The following NEK7 variants were observed in gnomAD, a reference collection of about 807,000 sequenced individuals.
NEK7 encodes NIMA related kinase 7.
In NEK7, 18 loss-of-function variants were observed where a neutral mutation model predicts 44.6. The observed-to-expected ratio is 0.40, with a 90% CI of 0.28 to 0.60. NEK7 has a LOEUF of 0.60. Ranked by LOEUF, NEK7 falls within the 20% of genes least tolerant of loss-of-function variation. NEK7 has a pLI of 0.38. For synonymous variants in NEK7, 130 were observed against 121.1 expected (o/e 1.07, Z -0.48); for missense variants, 256 against 366.5 (o/e 0.70, Z 2.46).
rs1654348676 is a variant in NEK7, at chr1:198,285,798, A to G, written c.589+6737A>G. ...AGATAGAGGAAAAATACCTAATTTC[A>G]GTTTTTTTAAAAATACTGCTTGTAT... On this transcript the variant is annotated intron_variant, in intron 7 of 9. Coordinates refer to ENST00000367385, the MANE Select transcript of NEK7 (RefSeq NM_133494.3). Among the ~76,000 whole-genome samples, 3 of 152,206 alleles carry G rather than the reference A, an allele frequency of 2.0e-5. No individual in the cohort carries two copies. The South Asian group carries it at 6.2e-4, about 32-fold the overall frequency.
chr1:198,249,596 G>A (rs1346847307), intron 2 of NEK7, among the ~76,000 whole-genome samples: 7 of 152,076 alleles, frequency 4.6e-5, no homozygotes, highest in Non-Finnish European at 7.4e-5. Flanking sequence ...GTGTGAGATG[G>A]TATCTCATAG....
At chr1:198,316,795 G>A (rs905550851) in intron 9 of NEK7, among the ~76,000 whole-genome samples, 1 of 152,166 alleles carries the variant, frequency 6.6e-6, no homozygotes, top group Non-Finnish European at 1.5e-5. Context: ...TTGAATGAAC[G>A]GATGAAAATG....
intron 5 of NEK7, among the ~76,000 whole-genome samples, chr1:198,265,779 G>T (rs1653633094): frequency 1.3e-5 from 2 of 152,112 alleles, no homozygotes; most frequent in African/African-American, 2.4e-5. Flanking sequence ...TCCTGGGCAG[G>T]TAGGAAAGAT....
At chr1:198,158,898 A>C (rs1167547113) in intron 1 of NEK7, among the ~76,000 whole-genome samples, 3 of 152,160 alleles carry the variant, frequency 2.0e-5, no homozygotes, top group African/African-American at 7.2e-5. Context: ...GAGAGGTGTT[A>C]GAGCTTTGAA....
At position 198,312,155 on chromosome 1, in the gene NEK7, G is replaced by C. The variant is rs541017724; in HGVS notation, c.799-7257G>C. Among the ~76,000 whole-genome samples, 653 of 152,116 alleles carry C rather than the reference G, an allele frequency of 4.3e-3. 1 individual carries two copies. The highest frequency in any genetic ancestry group is 8.2e-3 in the Admixed American group (126 of 15,278). Reference sequence around the variant, plus strand: ...TATTCAGAGATTCAACTTCTTCCTGGTTTAGTCTTGGGAGAGTGTATGTGT... The same window carrying C: ...TATTCAGAGATTCAACTTCTTCCTGCTTTAGTCTTGGGAGAGTGTATGTGT... On this transcript the variant is annotated intron_variant, in intron 9 of 9. Coordinates refer to ENST00000367385, the MANE Select transcript of NEK7 (RefSeq NM_133494.3).
Position 198,232,063 on chromosome 1 carries a change from C to T in NEK7, c.-28-490C>T, listed in dbSNP as rs567694419. Among the ~76,000 whole-genome samples the T allele has an allele frequency of 5.9e-5, 9 of 152,052 alleles. 1 individual carries two copies. In the South Asian group the frequency reaches 1.7e-3, roughly 28 times the overall value. ...AAATGCTTTATAATTACAAAGTATGCGTAAAAGAGTAGACACTCATATGAC... is the reference window on the plus strand; with the variant it reads ...AAATGCTTTATAATTACAAAGTATGTGTAAAAGAGTAGACACTCATATGAC... On this transcript the variant is annotated intron_variant, in intron 1 of 9. Coordinates refer to ENST00000367385, the MANE Select transcript of NEK7 (RefSeq NM_133494.3).
chr1:198,282,521 G>A (rs1298256972), intron 7 of NEK7, among the ~76,000 whole-genome samples: 1 of 152,108 alleles, frequency 6.6e-6, no homozygotes, highest in Admixed American at 6.6e-5. Flanking sequence ...ATCAAGCCAT[G>A]TATTAACTTT....
At chr1:198,168,034 T>C (rs1664322154) in intron 1 of NEK7, among the ~76,000 whole-genome samples, 1 of 152,228 alleles carries the variant, frequency 6.6e-6, no homozygotes, top group South Asian at 2.1e-4. Context: ...TAAAAAAATT[T>C]GGAGTTTATA....
At chr1:198,294,966 CAT>C (rs992701361) in intron 8 of NEK7, among the ~76,000 whole-genome samples, 5 of 151,854 alleles carry the variant, frequency 3.3e-5, no homozygotes, top group African/African-American at 1.2e-4. Flanking sequence ...TTGGTCATAA[CAT>C]CACGTATTTT....
intron 7 of NEK7, 147 bp downstream of exon 7, chr1:198,279,208 T>G: frequency 7.9e-6 from 4 of 506,562 alleles, no homozygotes; most frequent in Non-Finnish European, 1.0e-5. Flanking sequence ...TGCAACTCTC[T>G]ATTAGGTATA....
intron 1 of NEK7, among the ~76,000 whole-genome samples, chr1:198,213,679 A>G (rs1196509650): frequency 6.6e-6 from 1 of 152,074 alleles, no homozygotes; most frequent in South Asian, 2.1e-4. Flanking sequence ...TGTTACTGGG[A>G]GGTGGGTCGC....
intron 1 of NEK7, among the ~76,000 whole-genome samples, chr1:198,192,215 A>C (rs1665100659): frequency 7.0e-6 from 1 of 143,388 alleles, no homozygotes; most frequent in African/African-American, 2.6e-5. Context: ...TTCCCCCCAC[A>C]TTTCTTATTT....
intron 3 of NEK7, among the ~76,000 whole-genome samples, chr1:198,254,089 T>C (rs1653169768): frequency 6.6e-6 from 1 of 152,146 alleles, no homozygotes; most frequent in Non-Finnish European, 1.5e-5. Context: ...TTTAAACTTC[T>C]TAAGATGATT....
At chr1:198,291,105 T>G (rs1019137351) in intron 7 of NEK7, among the ~76,000 whole-genome samples, 4 of 152,168 alleles carry the variant, frequency 2.6e-5, no homozygotes, top group African/African-American at 9.7e-5. Flanking sequence ...TCTTTCACAC[T>G]CATATCAAAC....
intron 1 of NEK7, among the ~76,000 whole-genome samples, chr1:198,227,939 T>C (rs1010789892): frequency 6.6e-4 from 101 of 152,320 alleles, no homozygotes; most frequent in Middle Eastern, 6.8e-3. Context: ...ATGAAGTCCT[T>C]GCCCATGCCT....
chr1:198,167,864 C>A (rs1664314075), intron 1 of NEK7, among the ~76,000 whole-genome samples: 1 of 152,204 alleles, frequency 6.6e-6, no homozygotes, highest in African/African-American at 2.4e-5. Flanking sequence ...TGTCTTATTT[C>A]CATCTGGGAC....
At chr1:198,249,856 G>A (rs996029693) in intron 2 of NEK7, among the ~76,000 whole-genome samples, 1 of 144,268 alleles carries the variant, frequency 6.9e-6, no homozygotes, top group Non-Finnish European at 1.5e-5. Context: ...ACTGATGGTA[G>A]TTTCTTTTGC....
At chr1:198,212,407 C>A (rs571693204) in intron 1 of NEK7, among the ~76,000 whole-genome samples, 2 of 152,310 alleles carry the variant, frequency 1.3e-5, no homozygotes, top group East Asian at 1.9e-4. Flanking sequence ...GGTGTGAGAC[C>A]TGCCTTGCCA....
At chr1:198,196,158 T>G (rs1236678379) in intron 1 of NEK7, among the ~76,000 whole-genome samples, 1 of 152,204 alleles carries the variant, frequency 6.6e-6, no homozygotes, top group Non-Finnish European at 1.5e-5. Flanking sequence ...AAAGCTAAGC[T>G]TAATGCTTCT....
Sources: allele counts gnomAD v4.1 joint callset (sites outside exome capture counted in the v4.1 genomes callset), GRCh38; gene constraint gnomAD v4.1.1; transcripts MANE v1.5; gene names NCBI Gene and HGNC (gene_info 2026-07-23, HGNC 2026-07-21).